Variants in CNTN1 observed in about 807,000 individuals in gnomAD.
The protein encoded by CNTN1 is contactin-1.
A neutral mutation model predicts 126.4 loss-of-function variants in CNTN1; 38 were observed. The observed-to-expected ratio is 0.30, with a 90% confidence interval of 0.23 to 0.39. The LOEUF (loss-of-function observed/expected upper bound fraction) is 0.39. CNTN1 is among the 10% of genes least tolerant of loss of function. The pLI is 1.00. For missense variants in CNTN1, 1,009 were observed against 1,248.4 expected, an observed-to-expected ratio of 0.81 and a Z score of 2.89; for synonymous variants, 413 against 422.6, an observed-to-expected ratio of 0.98 and a Z score of 0.28.
intron 1 of CNTN1, among the ~76,000 whole-genome samples, chr12:40,814,447 T>G (rs577762741): frequency 1.1e-4 from 16 of 152,330 alleles, no homozygotes; most frequent in Non-Finnish European, 2.1e-4. Flanking sequence ...ATTTACTGAA[T>G]AGGAGATCCT....
chr12:40,979,892 G>GT (rs1947774534), intron 15 of CNTN1, among the ~76,000 whole-genome samples: 1 of 151,840 alleles, frequency 6.6e-6, no homozygotes, highest in Admixed American at 6.6e-5. Context: ...TTTTAACATT[G>GT]TTTTTTGTTC....
rs371522549 is a variant in CNTN1 at position 40,773,633 on chromosome 12, G to GTATATA, written c.-77+81058_-77+81063dup. Among the ~76,000 whole-genome samples, 218 of 46,236 alleles carry GTATATA rather than the reference G, an allele frequency of 4.7e-3. 1 individual carries two copies. The highest frequency in any genetic ancestry group is 0.013 in the African/African-American group (195 of 14,666). 30.3% of individuals were successfully genotyped at this position (46,236 alleles called of 152,430 possible). On this transcript the variant is annotated intron_variant, in intron 1 of 23. Transcript: ENST00000551295. ...TTTTTCTGACCTCTGACCAGAAACT[G>GTATATA]TATATATATATATATATATATACAC...
intron 21 of CNTN1, among the ~76,000 whole-genome samples, chr12:41,025,762 T>C (rs1044266446): frequency 6.6e-6 from 1 of 152,190 alleles, no homozygotes; most frequent in African/African-American, 2.4e-5. Context: ...TGTAGCATTA[T>C]GCTTACTCTC....
intron 17 of CNTN1, among the ~76,000 whole-genome samples, chr12:41,008,723 T>C (rs534904288): frequency 1.3e-5 from 2 of 152,322 alleles, no homozygotes; most frequent in Non-Finnish European, 2.9e-5. Flanking sequence ...GAACCATCTA[T>C]GACATGCTTA....
At chr12:40,953,429 G>C (rs1946758022) in intron 14 of CNTN1, among the ~76,000 whole-genome samples, 1 of 151,956 alleles carries the variant, frequency 6.6e-6, no homozygotes, top group Non-Finnish European at 1.5e-5. Flanking sequence ...CTTCTCTTGA[G>C]GTATGGAAAG....
At chr12:40,886,211 G>C (rs559246395) in intron 1 of CNTN1, among the ~76,000 whole-genome samples, 1 of 151,950 alleles carries the variant, frequency 6.6e-6, no homozygotes, top group Non-Finnish European at 1.5e-5. Flanking sequence ...ATTTGCCTAA[G>C]CTCCAAAACA....
intron 1 of CNTN1, 23 bp from the exon 2 acceptor site, chr12:40,908,334 T>C: frequency 1.2e-6 from 1 of 841,404 alleles, no homozygotes; most frequent in Non-Finnish European, 2.0e-6. Context: ...CTTTCCTTCT[T>C]CTTCTTTTCT....
At position 40,774,429 on chromosome 12, in the gene CNTN1, T is replaced by C. The variant is rs77487809; in HGVS notation, c.-77+81837T>C. ...AGGGAAGACATCGATCTATCAGTAG[T>C]TCAATTATTCATGAGAGGGAAATTT... On this transcript the variant is annotated intron_variant, in intron 1 of 23. Coordinates refer to ENST00000551295, the MANE Select transcript of CNTN1 (RefSeq NM_001843.4). Among the ~76,000 whole-genome samples the C allele has an allele frequency of 3.2e-3, 491 of 151,764 alleles. 6 individuals carry two copies. The East Asian group carries it at 0.036, about 11-fold the overall frequency.
chr12:40,881,693 A>C (rs1246753227), intron 1 of CNTN1, among the ~76,000 whole-genome samples: 1 of 151,930 alleles, frequency 6.6e-6, no homozygotes, highest in Admixed American at 6.6e-5. Context: ...CTATTAGTTC[A>C]GTAACATTAC....
chr12:40,933,600 G>T, intron 8 of CNTN1, 40 bp downstream of exon 8: 1 of 1,523,972 alleles, frequency 6.6e-7, no homozygotes, highest in Non-Finnish European at 9.1e-7. Context: ...TATAGAAATA[G>T]TACCATTTTA....
chr12:40,712,721 T>C (rs944146778), intron 1 of CNTN1, among the ~76,000 whole-genome samples: 4 of 152,196 alleles, frequency 2.6e-5, no homozygotes, highest in African/African-American at 9.6e-5. Flanking sequence ...TTGATATAAC[T>C]CAATTCCTAG....
At chr12:40,781,151 A>G (rs1939788266) in intron 1 of CNTN1, among the ~76,000 whole-genome samples, 1 of 152,026 alleles carries the variant, frequency 6.6e-6, no homozygotes, top group Non-Finnish European at 1.5e-5. Context: ...ATCTTGGGAC[A>G]TAAGCTATGA....
intron 1 of CNTN1, among the ~76,000 whole-genome samples, chr12:40,783,166 G>C (rs927508174): frequency 6.6e-6 from 1 of 151,942 alleles, no homozygotes; most frequent in Non-Finnish European, 1.5e-5. Context: ...GTCGAGTGAA[G>C]AATAGAGTCA....
rs139530222 is a variant in CNTN1, at chr12:40,856,245, C to A, written c.-76-52112C>A. Among the ~76,000 whole-genome samples the A allele has an allele frequency of 1.6e-4, 24 of 152,024 alleles. No homozygotes were observed. The East Asian group carries it at 4.4e-3, about 28-fold the overall frequency. On this transcript the variant is annotated intron_variant, in intron 1 of 23. Transcript: ENST00000551295. ...GAATATATATACACCAGTTTAAAGACCACTCAGATAGATTGAGGCAGTGAC... is the reference window on the plus strand; with the variant it reads ...GAATATATATACACCAGTTTAAAGAACACTCAGATAGATTGAGGCAGTGAC...
chr12:40,966,032 A>G (rs1016618042), intron 15 of CNTN1, among the ~76,000 whole-genome samples: 18 of 151,190 alleles, frequency 1.2e-4, no homozygotes, highest in Non-Finnish European at 2.7e-4. Flanking sequence ...ACACACACAC[A>G]CACACACGCA....
chr12:40,848,767 A>G (rs535793823), intron 1 of CNTN1, among the ~76,000 whole-genome samples: 10 of 150,140 alleles, frequency 6.7e-5, no homozygotes, highest in African/African-American at 2.4e-4. Flanking sequence ...GTTGTACTGT[A>G]CTGAGTTATA....
chr12:40,903,861 C>G (rs755287191), intron 1 of CNTN1, among the ~76,000 whole-genome samples: 7 of 152,096 alleles, frequency 4.6e-5, no homozygotes, highest in African/African-American at 9.7e-5. Context: ...AACTGGAAAA[C>G]AGACTTCCAG....
chr12:40,848,556 T>C (rs1942601169), intron 1 of CNTN1, among the ~76,000 whole-genome samples: 1 of 152,194 alleles, frequency 6.6e-6, no homozygotes, highest in African/African-American at 2.4e-5. Context: ...AGATACTATT[T>C]TGAAAGTTAT....
At chr12:40,906,145 C>G (rs1465495200) in intron 1 of CNTN1, among the ~76,000 whole-genome samples, 1 of 152,120 alleles carries the variant, frequency 6.6e-6, no homozygotes, top group Non-Finnish European at 1.5e-5. Flanking sequence ...GTGGTGGGTG[C>G]CTGTAGTCCC....
Sources: allele counts gnomAD v4.1 joint callset (sites outside exome capture counted in the v4.1 genomes callset), GRCh38; gene constraint gnomAD v4.1.1; transcripts MANE v1.5; gene names NCBI Gene and HGNC (gene_info 2026-07-23, HGNC 2026-07-21).